The following ITGA9 variants were observed in gnomAD, a reference collection of about 807,000 sequenced individuals.
The protein encoded by ITGA9 is integrin subunit alpha 9.
A neutral mutation model predicts 127.8 loss-of-function variants in ITGA9; 56 were observed. The ratio of observed to expected loss-of-function variants is 0.44; its 90% CI spans 0.35 to 0.55. The LOEUF is 0.55. Among genes scored for constraint, ITGA9 ranks in the 20% least tolerant of loss-of-function variants. The pLI is 0.00. For missense variants in ITGA9, 1,196 were observed against 1,347.1 expected (o/e 0.89, Z 1.76); for synonymous variants, 508 against 514.5 (o/e 0.99, Z 0.17).
At position 37,503,217 on chromosome 3, in the gene ITGA9, G is replaced by T. The variant is rs778204315; in HGVS notation, c.652G>T (p.Ala218Ser). Residue 218 changes from alanine (A) to serine (S), a missense_variant, in exon 6 of 28, where the codon GCT (alanine) becomes TCT (serine). Transcript: ENST00000264741. ...VMGAPGSFYW[A>S]GTIKVLNLTD... ...GGGTGCTCCAGGGTCATTTTATTGG[G>T]CTGGAACCATCAAAGTGCTGAACCT... 2.5e-6 allele frequency: 4 copies of T among 1,613,914 alleles called. No individual in the cohort carries two copies. The highest frequency in any genetic ancestry group is 3.4e-6 in the Non-Finnish European group (4 of 1,179,928).
chr3:37,512,842 A>G (rs908253234), intron 8 of ITGA9, among the ~76,000 whole-genome samples: 1 of 152,158 alleles, frequency 6.6e-6, no homozygotes, highest in South Asian at 2.1e-4. Flanking sequence ...GACAAGGAAG[A>G]CAAGTGTCAC....
In ITGA9 at chr3:37,806,187, T is replaced by G. The variant is rs1697293768; in HGVS notation, c.3009+2245T>G. The G allele has an allele frequency of 6.6e-6, 1 of 152,240 alleles. No homozygotes were observed. The highest frequency in any genetic ancestry group is 1.5e-5 in the Non-Finnish European group (1 of 68,056). 9.4% of individuals were successfully genotyped at this position (152,240 alleles called of 1,614,324 possible). On this transcript the variant is annotated intron_variant, in intron 27 of 27. Transcript: ENST00000264741. This position sits in a 1 kb window ranked among gnomAD's most constrained non-coding sequence, Gnocchi z 4.3. ...AACTCCTTCCTGCTGAGACAGCCTC[T>G]GGTTTGTGGGTGGAGAACAAAGCCT...
chr3:37,786,303 G>T (rs1243317988), intron 26 of ITGA9, among the ~76,000 whole-genome samples: 1 of 152,158 alleles, frequency 6.6e-6, no homozygotes, highest in East Asian at 1.9e-4. Flanking sequence ...GTCAGAATGG[G>T]GTTCAAACCA....
intron 22 of ITGA9, chr3:37,748,592 CA>C: frequency 4.3e-6 from 2 of 470,406 alleles, no homozygotes; most frequent in East Asian, 4.1e-5. Context: ...TACTAAAATA[CA>C]AAAATTAGCC....
At chr3:37,610,423 T>C (rs1700005261) in intron 15 of ITGA9, among the ~76,000 whole-genome samples, 1 of 152,170 alleles carries the variant, frequency 6.6e-6, no homozygotes, top group Non-Finnish European at 1.5e-5. Flanking sequence ...TGATCAATGA[T>C]TTCTGTTCTT....
In ITGA9 at chr3:37,644,665, T is replaced by G. The variant is rs934005564; in HGVS notation, c.1840-9049T>G. On this transcript the variant is annotated intron_variant, in intron 16 of 27. Coordinates refer to ENST00000264741, the MANE Select transcript of ITGA9 (RefSeq NM_002207.3). ...CATGGAGTAAAAAAAACACCCAAGA[T>G]AGCAGAACTTGTCATTTCTAGTTTT... 2.0e-5 allele frequency among the ~76,000 whole-genome samples: 3 copies of G among 152,320 alleles called. No individual in the cohort carries two copies. The East Asian group carries it at 5.8e-4, about 29-fold the overall frequency.
At chr3:37,664,253 G>A (rs149000689) in intron 17 of ITGA9, among the ~76,000 whole-genome samples, 3 of 152,162 alleles carry the variant, frequency 2.0e-5, no homozygotes, top group Admixed American at 6.5e-5. Context: ...CCAGAGAGGA[G>A]GTAGATGGGC....
At chr3:37,517,847 T>C (rs1012206427) in intron 10 of ITGA9, among the ~76,000 whole-genome samples, 2 of 152,208 alleles carry the variant, frequency 1.3e-5, no homozygotes, top group African/African-American at 4.8e-5. Context: ...CATAATCCCT[T>C]CTCACCAGCT....
chr3:37,653,904 T>A lies in ITGA9; in HGVS notation c.1916+114T>A, dbSNP rs187041639. 6.9e-4 allele frequency: 528 copies of A among 764,912 alleles called. 8 individuals are homozygous for A. The East Asian group carries it at 8.0e-3, about 12-fold the overall frequency. The allele number at this position is 764,912 out of a possible 1,614,324, so 47.4% of individuals were successfully genotyped here. On this transcript the variant is annotated intron_variant, in intron 17 of 27. Transcript: ENST00000264741. ...GAAGAGGATAAACAGAGTTGATGGG[T>A]TACAGTAATATTCTGTGGTTTTAAA... is the stretch of plus-strand genomic sequence containing the variant.
chr3:37,693,063 A>G (rs1183892803), intron 18 of ITGA9, among the ~76,000 whole-genome samples: 1 of 152,242 alleles, frequency 6.6e-6, no homozygotes, highest in Admixed American at 6.5e-5. Context: ...TGAACTCAGC[A>G]GGGAGAACCC....
At chr3:37,453,023 A>G (rs374453429) in intron 1 of ITGA9, among the ~76,000 whole-genome samples, 32 of 151,878 alleles carry the variant, frequency 2.1e-4, no homozygotes, top group African/African-American at 7.5e-4. Flanking sequence ...AGGAAGGAGT[A>G]TAGCCTCTCC....
intron 14 of ITGA9, among the ~76,000 whole-genome samples, chr3:37,540,483 A>G (rs1256078814): frequency 6.6e-6 from 1 of 152,230 alleles, no homozygotes; most frequent in Non-Finnish European, 1.5e-5. Context: ...TGGACCTGCT[A>G]TCCATGCATT....
In ITGA9 at chr3:37,506,107, A is replaced by G. The variant is rs757018578; in HGVS notation, c.828+22A>G. On this transcript the variant is annotated intron_variant, in intron 7 of 27. Coordinates refer to ENST00000264741, the MANE Select transcript of ITGA9 (RefSeq NM_002207.3). The stretch of plus-strand genomic sequence containing the variant: ...CAAGGTGAGGAGAAACATCTGTGGA[A>G]TAGCTGGGGTCAGACAGAAGAGGGG... 6 of 1,545,900 alleles carry G rather than the reference A, an allele frequency of 3.9e-6. No individual in the cohort carries two copies. The East Asian group carries it at 9.1e-5, about 23-fold the overall frequency.
intron 15 of ITGA9, among the ~76,000 whole-genome samples, chr3:37,606,969 C>G (rs1287144224): frequency 8.5e-6 from 1 of 118,222 alleles, no homozygotes; most frequent in Non-Finnish European, 1.7e-5. Context: ...GCTCATGGCT[C>G]CTTTTTTTTT....
At chr3:37,708,129 G>A (rs966241987) in intron 18 of ITGA9, among the ~76,000 whole-genome samples, 1 of 152,170 alleles carries the variant, frequency 6.6e-6, no homozygotes, top group African/African-American at 2.4e-5. Flanking sequence ...AGGCTCGGCT[G>A]TTCTTGGCCA....
At chr3:37,719,385 G>A (rs532082571) in intron 18 of ITGA9, among the ~76,000 whole-genome samples, 1 of 152,238 alleles carries the variant, frequency 6.6e-6, no homozygotes, top group South Asian at 2.1e-4. Context: ...CTCTGAAGGT[G>A]CTAGACTAGG....
intron 17 of ITGA9, among the ~76,000 whole-genome samples, chr3:37,658,490 A>G (rs546749982): frequency 2.0e-5 from 3 of 152,242 alleles, no homozygotes; most frequent in East Asian, 3.9e-4. Context: ...CTGTTTTATC[A>G]GAGACTAGGA....
At chr3:37,628,671 G>T (rs1219686719) in intron 15 of ITGA9, among the ~76,000 whole-genome samples, 4 of 152,084 alleles carry the variant, frequency 2.6e-5, no homozygotes, top group African/African-American at 7.2e-5. Context: ...GATTCCAAAG[G>T]AAAGAACACA....
chr3:37,709,583 G>A (rs915362839), intron 18 of ITGA9, among the ~76,000 whole-genome samples: 36 of 152,228 alleles, frequency 2.4e-4, no homozygotes, highest in African/African-American at 8.4e-4. Context: ...GCAGCATTGC[G>A]GGAGGGCTCT....
Sources: allele counts gnomAD v4.1 joint callset (sites outside exome capture counted in the v4.1 genomes callset), GRCh38; gene constraint gnomAD v4.1.1; non-coding constraint Gnocchi (gnomAD v3.1); transcripts MANE v1.5; gene names NCBI Gene and HGNC (gene_info 2026-07-23, HGNC 2026-07-21).